TGFBR1: variants seen among roughly 807,000 people sequenced by gnomAD.
The protein encoded by TGFBR1 is transforming growth factor beta receptor 1, also known as TGF-beta receptor type-1.
In TGFBR1, 20 loss-of-function variants were observed where a neutral mutation model predicts 55.1. That is an observed-to-expected ratio of 0.36 (90% confidence interval 0.26 to 0.53). The LOEUF is 0.53. Ranked by LOEUF, TGFBR1 falls within the 20% of genes least tolerant of loss-of-function variation. The probability of loss-of-function intolerance (pLI) is 0.91; values close to 1 mark genes in which losing one functional copy is unlikely to be tolerated. For missense variants in TGFBR1, 385 were observed against 617.6 expected, an observed-to-expected ratio of 0.62 and a Z score of 3.99; for synonymous variants, 220 against 214.8, an observed-to-expected ratio of 1.02 and a Z score of -0.21.
At position 99,144,880 on chromosome 9, in the gene TGFBR1, A is replaced by C. The variant is rs1827743036; in HGVS notation, c.1122A>C (p.Gly374=). 6.8e-6 allele frequency: 11 copies of C among 1,613,772 alleles called. No homozygotes were observed. Among genetic ancestry groups the C allele is most frequent in the Non-Finnish European group, 9.3e-6 (11 of 1,179,852 alleles). Residue 374 remains glycine (G), a synonymous_variant, in exon 6 of 9, where the codon GGA becomes GGC. Transcript: ENST00000374994. Reference sequence around the variant, plus strand: ...ATATTGCTCCAAACCACAGAGTGGGAACAAAAAGGTATACTTTTGAACAAC... The same window carrying C: ...ATATTGCTCCAAACCACAGAGTGGGCACAAAAAGGTATACTTTTGAACAAC... The part of the protein sequence containing the change: ...TIDIAPNHRV[G]TKRYMAPEVL...
intron 1 of TGFBR1, among the ~76,000 whole-genome samples, chr9:99,117,137 G>A (rs935242157): frequency 6.6e-6 from 1 of 152,162 alleles, no homozygotes; most frequent in African/African-American, 2.4e-5. Flanking sequence ...ACCCAGGCTG[G>A]AATGCAGTGG....
intron 1 of TGFBR1, among the ~76,000 whole-genome samples, chr9:99,109,385 G>A (rs1826500531): frequency 6.6e-6 from 1 of 152,154 alleles, no homozygotes; most frequent in Admixed American, 6.5e-5. Context: ...GATCCGCTTT[G>A]TTGTTGAAAT....
chr9:99,125,324 A>G (rs1041615465), intron 1 of TGFBR1, among the ~76,000 whole-genome samples: 2 of 152,190 alleles, frequency 1.3e-5, no homozygotes, highest in African/African-American at 2.4e-5. Context: ...CATTTTGTTC[A>G]TTGGAAGATA....
intron 4 of TGFBR1, among the ~76,000 whole-genome samples, chr9:99,141,345 A>G (rs1192381774): frequency 6.6e-6 from 1 of 152,176 alleles, no homozygotes. Context: ...TCTTCTGAAA[A>G]GTTTCTATTC....
chr9:99,122,663 T>C (rs1028603664), intron 1 of TGFBR1, among the ~76,000 whole-genome samples: 1 of 152,168 alleles, frequency 6.6e-6, no homozygotes, highest in Non-Finnish European at 1.5e-5. Flanking sequence ...AAAATTCTGA[T>C]TTATTCTGCA....
At chr9:99,138,327 C>T (rs1446696208) in intron 4 of TGFBR1, among the ~76,000 whole-genome samples, 1 of 152,114 alleles carries the variant, frequency 6.6e-6, no homozygotes, top group African/African-American at 2.4e-5. Context: ...TATAAAAGAG[C>T]TATTTTAAAA....
chr9:99,131,989 G>A (rs977016299), intron 2 of TGFBR1, among the ~76,000 whole-genome samples: 13 of 151,454 alleles, frequency 8.6e-5, no homozygotes, highest in African/African-American at 3.1e-4. Flanking sequence ...AAAATTGGTG[G>A]AGAGATATAT....
rs556203281 is a variant in TGFBR1 at position 99,136,738 on chromosome 9, G to A, written c.575-1121G>A. Among the ~76,000 whole-genome samples, 95 of 152,144 alleles carry A rather than the reference G, an allele frequency of 6.2e-4. 1 individual carries two copies. Among genetic ancestry groups the A allele is most frequent in the Admixed American group, 5.8e-3 (89 of 15,266 alleles). ...CTTCTGATCGCTTTAAAGATTTAACGTTTGGATTTATAAGCATTTCACATC... is the reference window on the plus strand; with the variant it reads ...CTTCTGATCGCTTTAAAGATTTAACATTTGGATTTATAAGCATTTCACATC... On this transcript the variant is annotated intron_variant, in intron 3 of 8. Coordinates refer to ENST00000374994, the MANE Select transcript of TGFBR1 (RefSeq NM_004612.4).
intron 1 of TGFBR1, among the ~76,000 whole-genome samples, chr9:99,109,877 C>T (rs1183908837): frequency 6.6e-6 from 1 of 152,188 alleles, no homozygotes; most frequent in Non-Finnish European, 1.5e-5. Context: ...TTGGAGTCTT[C>T]TCAGAATTTA....
chr9:99,144,599 G>A (rs994383631), intron 5 of TGFBR1, 133 bp from the exon 6 acceptor site: 20 of 926,508 alleles, frequency 2.2e-5, no homozygotes, highest in African/African-American at 2.1e-4. Context: ...TAATAATGCC[G>A]TAAGTATTGT....
chr9:99,118,034 AT>A (rs965228543), intron 1 of TGFBR1, among the ~76,000 whole-genome samples: 1 of 152,152 alleles, frequency 6.6e-6, no homozygotes, highest in African/African-American at 2.4e-5. Context: ...AATAAGTAAT[AT>A]TTTTTAAGCT....
chr9:99,150,718 C>G lies in TGFBR1; in HGVS notation c.*1413C>G. On this transcript the variant is annotated 3_prime_UTR_variant, in exon 9 of 9. Transcript: ENST00000374994. The stretch of plus-strand genomic sequence containing the variant: ...AATTTATGTAATGCATTCAGTGCAC[C>G]CTTGTTACTTGGGAGAGGTGGTAGC... 4.7e-6 allele frequency: 1 copy of G among 212,208 alleles called. No individual in the cohort carries two copies. The highest frequency in any genetic ancestry group is 7.1e-5 in the East Asian group (1 of 14,048). The allele number at this position is 212,208 out of a possible 1,614,324, so 13.1% of individuals were successfully genotyped here.
intron 4 of TGFBR1, among the ~76,000 whole-genome samples, chr9:99,140,084 G>A (rs143276044): frequency 6.6e-6 from 1 of 152,248 alleles, no homozygotes; most frequent in African/African-American, 2.4e-5. Flanking sequence ...TGATTAAGAC[G>A]GGGCAGTGAG....
upstream of TGFBR1, among the ~76,000 whole-genome samples, chr9:99,104,557 G>C (rs530515072): frequency 1.4e-3 from 206 of 152,218 alleles, no homozygotes; most frequent in African/African-American, 4.8e-3. Flanking sequence ...AGGGATCTTC[G>C]GGGGAATGCT....
At chr9:99,140,564 C>T in intron 4 of TGFBR1, among the ~76,000 whole-genome samples, 1 of 152,188 alleles carries the variant, frequency 6.6e-6, no homozygotes, top group Non-Finnish European at 1.5e-5. Flanking sequence ...ATTTCCTCCC[C>T]CAACTCTTAA....
intron 3 of TGFBR1, among the ~76,000 whole-genome samples, chr9:99,134,331 A>G (rs1827353359): frequency 6.6e-6 from 1 of 152,192 alleles, no homozygotes; most frequent in Admixed American, 6.5e-5. Flanking sequence ...CACGTCCCAG[A>G]AGGCAAGCTT....
rs201856532 is a variant in TGFBR1 at position 99,132,751 on chromosome 9, G to A, written c.574+12G>A. On this transcript the variant is annotated intron_variant, in intron 3 of 8. Transcript: ENST00000374994. Reference sequence around the variant, plus strand: ...AGGTTCTGGCTCAGGTAACATAATTGTTTCTCCTTTTTCCTAAGACATCTT... The same window carrying A: ...AGGTTCTGGCTCAGGTAACATAATTATTTCTCCTTTTTCCTAAGACATCTT... The A allele has an allele frequency of 1.6e-5, 26 of 1,613,776 alleles. No homozygotes were observed. The highest frequency in any genetic ancestry group is 2.2e-5 in the Non-Finnish European group (26 of 1,179,964).
chr9:99,137,419 AT>A (rs1266026434), intron 3 of TGFBR1, among the ~76,000 whole-genome samples: 1 of 152,130 alleles, frequency 6.6e-6, no homozygotes, highest in Non-Finnish European at 1.5e-5. Context: ...TTCATTGGTT[AT>A]TTTGAGCTTG....
At chr9:99,127,323 A>G (rs900439201) in intron 1 of TGFBR1, among the ~76,000 whole-genome samples, 2 of 152,166 alleles carry the variant, frequency 1.3e-5, no homozygotes, top group African/African-American at 2.4e-5. Flanking sequence ...ACTGTTGGTC[A>G]GTCACTTAGG....
Sources: allele counts gnomAD v4.1 joint callset (sites outside exome capture counted in the v4.1 genomes callset), GRCh38; gene constraint gnomAD v4.1.1; transcripts MANE v1.5; gene names NCBI Gene and HGNC (gene_info 2026-07-23, HGNC 2026-07-21).